Variants in SYNE1 observed in about 807,000 individuals in gnomAD.
The protein encoded by SYNE1 is nesprin-1.
A neutral mutation model predicts 1,111.0 loss-of-function variants in SYNE1; 616 were observed. The observed-to-expected ratio is 0.55, with a 90% CI of 0.52 to 0.59. The LOEUF (loss-of-function observed/expected upper bound fraction) is 0.59, where lower values mean the gene tolerates loss of function less well. Among genes scored for constraint, SYNE1 ranks in the 20% least tolerant of loss-of-function variants. SYNE1 has a pLI of 0.00. For synonymous variants in SYNE1, 3,855 were observed against 3,825.8 expected (o/e 1.01, Z -0.28); for missense variants, 10,006 against 10,417.0 (o/e 0.96, Z 1.72).
chr6:152,234,674 A>G lies in SYNE1; in HGVS notation c.20523T>C (p.Ala6841=), dbSNP rs748237572. 11 of 1,614,106 alleles carry G rather than the reference A, an allele frequency of 6.8e-6. No homozygotes were observed. The Admixed American group carries it at 1.5e-4, about 22-fold the overall frequency. The change falls in exon 111 of 146, where the codon GCT becomes GCC. Residue 6841 remains alanine (A), a synonymous_variant. Coordinates refer to ENST00000367255, the MANE Select transcript of SYNE1 (RefSeq NM_182961.4). ...ELEMVRDHLN[A]FLEFSKEVDA... ...TTTAGATTCTTAGACTTACCAGGAA[A>G]GCATTTAGATGATCACGGACCATTT...
intron 70 of SYNE1, among the ~76,000 whole-genome samples, 162 bp from the exon 71 acceptor site, chr6:152,350,932 G>A (rs1207019576): frequency 6.6e-6 from 1 of 152,192 alleles, no homozygotes; most frequent in Non-Finnish European, 1.5e-5. Context: ...GATTTATTAA[G>A]ACGAATACAG....
At chr6:152,239,443 C>G in intron 108 of SYNE1, 90 bp downstream of exon 108, 1 of 1,538,036 alleles carries the variant, frequency 6.5e-7, no homozygotes. Flanking sequence ...TTATGTGAGG[C>G]AAACTGCATG....
At chr6:152,175,303 A>G (rs2066144867) in intron 130 of SYNE1, among the ~76,000 whole-genome samples, 2 of 152,172 alleles carry the variant, frequency 1.3e-5, no homozygotes, top group Admixed American at 1.3e-4. Flanking sequence ...CTTTTTGATA[A>G]CTCTCTTATA....
chr6:152,289,018 G>T (rs909198023), intron 95 of SYNE1, among the ~76,000 whole-genome samples: 1 of 152,200 alleles, frequency 6.6e-6, no homozygotes, highest in Non-Finnish European at 1.5e-5. Context: ...TGGAACCAGA[G>T]AGAGACAGTG....
intron 99 of SYNE1, 72 bp downstream of exon 99, chr6:152,269,083 C>G: frequency 6.2e-7 from 1 of 1,609,700 alleles, no homozygotes; most frequent in East Asian, 2.2e-5. Context: ...CTTGTCTGTC[C>G]TTCTGAAATA....
In SYNE1 at chr6:152,321,872, A is replaced by C; in HGVS notation, c.15932T>G (p.Val5311Gly). ...QDRCLNMQEK[V>G]KTNGKLVKQE... ...CTTCACCAACTTTCCATTAGTCTTC[A>C]CTTTCTCCTGCATGCTTCAGAAACA... The change falls in exon 83 of 146, where the codon GTG (valine) becomes GGG (glycine). Residue 5311 changes from valine to glycine, a missense_variant. Coordinates refer to ENST00000367255, the MANE Select transcript of SYNE1 (RefSeq NM_182961.4). 2.5e-6 allele frequency: 4 copies of C among 1,614,026 alleles called. No homozygotes were observed. Among genetic ancestry groups the C allele is most frequent in the Non-Finnish European group, 3.4e-6 (4 of 1,179,962 alleles).
chr6:152,598,719 A>T (rs2099588792), intron 3 of SYNE1, among the ~76,000 whole-genome samples: 1 of 152,230 alleles, frequency 6.6e-6, no homozygotes, highest in Non-Finnish European at 1.5e-5. Flanking sequence ...AGAATTCAAA[A>T]TTCTTGAATC....
intron 93 of SYNE1, 128 bp from the exon 94 acceptor site, chr6:152,294,255 G>A (rs1044910279): frequency 1.2e-5 from 10 of 847,842 alleles, no homozygotes; most frequent in Non-Finnish European, 1.1e-5. Flanking sequence ...CTACAAACTA[G>A]TAAATTAGTA....
In SYNE1 at chr6:152,367,294, G is replaced by T. The variant is rs373760161; in HGVS notation, c.9896C>A (p.Ala3299Glu). The part of the protein sequence containing the change: ...IKELQDWMTD[A>E]IHMLDSYCHP... ...GCAGTATGAATCCAGCATGTGAATCGCATCCGTCATCCAGTCTTGTAATTC... is the reference window on the plus strand; with the variant it reads ...GCAGTATGAATCCAGCATGTGAATCTCATCCGTCATCCAGTCTTGTAATTC... Residue 3299 changes from alanine (A) to glutamate (E), a missense_variant, in exon 62 of 146, where the codon GCG becomes GAG. Ala to Glu is a moderately radical substitution (Grantham distance 107, BLOSUM62 -1). This residue lies in a region of SYNE1 where 4,955 missense variants were observed against 5,017.2 expected (regional missense o/e 0.99). Coordinates refer to ENST00000367255, the MANE Select transcript of SYNE1 (RefSeq NM_182961.4). 2 of 1,614,002 alleles carry T rather than the reference G, an allele frequency of 1.2e-6. No homozygotes were observed. Among genetic ancestry groups the T allele is most frequent in the Non-Finnish European group, 1.7e-6 (2 of 1,180,022 alleles).
chr6:152,465,191 A>G (rs2098757260), intron 18 of SYNE1, 67 bp downstream of exon 18: 2 of 1,531,170 alleles, frequency 1.3e-6, no homozygotes, highest in Non-Finnish European at 9.0e-7. Context: ...CTAGTGAGCT[A>G]CGCTGTAAAA....
At chr6:152,243,122 T>C (rs554899345) in intron 106 of SYNE1, among the ~76,000 whole-genome samples, 5 of 152,336 alleles carry the variant, frequency 3.3e-5, no homozygotes, top group Admixed American at 6.5e-5. Flanking sequence ...TAGTTTATGA[T>C]AAGATGTGGG....
chr6:152,123,390 C>T (rs1364007910), intron 145 of SYNE1, among the ~76,000 whole-genome samples: 1 of 152,160 alleles, frequency 6.6e-6, no homozygotes, highest in African/African-American at 2.4e-5. Flanking sequence ...AAATGGACAC[C>T]ATTTTCTGAG....
chr6:152,465,760 A>ACACAC (rs2098761027), intron 17 of SYNE1, among the ~76,000 whole-genome samples: 1 of 133,318 alleles, frequency 7.5e-6, no homozygotes. Context: ...CTCTTAGAAG[A>ACACAC]ACACATACAC....
Position 152,413,381 on chromosome 6 carries a change from C to T in SYNE1, c.6201G>A (p.Trp2067Ter). Residue 2067 changes from tryptophan (W) to a stop codon, truncating the protein, a stop_gained, in exon 42 of 146, where the codon TGG becomes TGA. Coordinates refer to ENST00000367255, the MANE Select transcript of SYNE1 (RefSeq NM_182961.4). LOFTEE classifies it high-confidence loss of function. ...DREINRLEVTWDDTKRLIHEN... is the reference protein window; with the variant it reads ...DREINRLEVT ...CATGAATTAGTCTTTTGGTATCATC[C>T]CAGGTGACCTCTAAGCGGTTTATCT... 6.2e-7 allele frequency: 1 copy of T among 1,614,032 alleles called. No individual in the cohort carries two copies. Among genetic ancestry groups the T allele is most frequent in the East Asian group, 2.2e-5 (1 of 44,846 alleles).
intron 95 of SYNE1, among the ~76,000 whole-genome samples, chr6:152,293,091 G>A (rs2094688824): frequency 6.6e-6 from 1 of 152,140 alleles, no homozygotes; most frequent in Non-Finnish European, 1.5e-5. Flanking sequence ...TTTAAAAAAT[G>A]ATTTAAGTCA....
chr6:152,537,410 A>G (rs183400986), intron 4 of SYNE1, among the ~76,000 whole-genome samples: 33 of 152,150 alleles, frequency 2.2e-4, no homozygotes, highest in African/African-American at 6.7e-4. Flanking sequence ...CTTACTTATA[A>G]TAAGATTTTT....
chr6:152,235,942 T>C (rs2083922621), intron 110 of SYNE1, among the ~76,000 whole-genome samples, 165 bp downstream of exon 110: 1 of 151,702 alleles, frequency 6.6e-6, no homozygotes, highest in Non-Finnish European at 1.5e-5. Flanking sequence ...GGGGTCTTAC[T>C]ATGTTGCCCA....
intron 11 of SYNE1, among the ~76,000 whole-genome samples, chr6:152,495,342 G>GCT (rs1327430515): frequency 2.0e-5 from 3 of 152,260 alleles, no homozygotes; most frequent in African/African-American, 7.2e-5. Flanking sequence ...CCTCCCTTCT[G>GCT]TTGACATAAT....
chr6:152,293,294 C>T lies in SYNE1; in HGVS notation c.18012+294G>A, dbSNP rs999370084. 3.9e-5 allele frequency among the ~76,000 whole-genome samples: 6 copies of T among 152,312 alleles called. No homozygotes were observed. In the South Asian group the frequency reaches 1.2e-3, roughly 32 times the overall value. ...ATAACTTGGCAACTCTAAGGAAACA[C>T]ATTTTGTGTAATCAAAGTTAAAAAG... is the stretch of plus-strand genomic sequence containing the variant. On this transcript the variant is annotated intron_variant, in intron 95 of 145. Transcript: ENST00000367255.
Sources: gnomAD v4.1 joint callset for allele counts (sites outside exome capture counted in the v4.1 genomes callset) on GRCh38, gnomAD v4.1.1 for gene constraint, gnomAD v4.1.1 regional missense constraint, MANE v1.5 for transcripts, NCBI Gene and HGNC (gene_info 2026-07-23, HGNC 2026-07-21) for gene names.